Variants in MOB3B observed in about 807,000 individuals in gnomAD.
MOB3B encodes the protein MOB kinase activator-like 2B.
MOB3B carries 7 observed loss-of-function variants against 18.7 expected under a neutral mutation model. The ratio of observed to expected loss-of-function variants is 0.37; its 90% CI spans 0.21 to 0.70. MOB3B has a LOEUF of 0.70. Among genes scored for constraint, MOB3B ranks in the 30% least tolerant of loss-of-function variants. The pLI, the probability that MOB3B is intolerant of heterozygous loss-of-function variation, is 0.52. For missense variants in MOB3B, 253 were observed against 281.3 expected, an observed-to-expected ratio of 0.90 and a Z score of 0.72; for synonymous variants, 111 against 99.9, an observed-to-expected ratio of 1.11 and a Z score of -0.66.
chr9:27,455,672 T>G lies in MOB3B; in HGVS notation c.-122A>C. 12 of 1,535,202 alleles carry G rather than the reference T, an allele frequency of 7.8e-6. No individual in the cohort carries two copies. The highest frequency in any genetic ancestry group is 1.0e-5 in the Non-Finnish European group (12 of 1,153,170). ...GCACTCAGGCCCCAGTCTTACAGCC[T>G]GTAGCTTTTAAGCTCTTCTAAACAG... is the stretch of plus-strand genomic sequence containing the variant. On this transcript the variant is annotated 5_prime_UTR_variant, in exon 2 of 4. Coordinates refer to ENST00000262244, the MANE Select transcript of MOB3B (RefSeq NM_024761.5).
chr9:27,366,493 C>T (rs1387032347), intron 2 of MOB3B, among the ~76,000 whole-genome samples: 1 of 152,144 alleles, frequency 6.6e-6, no homozygotes, highest in African/African-American at 2.4e-5. Flanking sequence ...AAATAAGTTG[C>T]CTAAATGGCT....
rs199832959 is a variant in MOB3B, at chr9:27,359,228, A to G, written c.427T>C (p.Phe143Leu). 1 of 1,614,128 alleles carries G rather than the reference A, an allele frequency of 6.2e-7. No individual in the cohort carries two copies. Among genetic ancestry groups the G allele is most frequent in the Non-Finnish European group, 8.5e-7 (1 of 1,179,946 alleles). Residue 143 changes from phenylalanine (F) to leucine (L), a missense_variant, in exon 3 of 4, where the codon TTC (phenylalanine) becomes CTC (leucine). Coordinates refer to ENST00000262244, the MANE Select transcript of MOB3B (RefSeq NM_024761.5). ...EIFPTCVGVP[F>L]PKNFLQICKK... ...CAGATCTGAAGGAAGTTCTTTGGGA[A>G]GGGAACACCTAGAGAAGAAAAAAAG...
intron 2 of MOB3B, among the ~76,000 whole-genome samples, chr9:27,440,840 G>A (rs1822583419): frequency 6.6e-6 from 1 of 152,030 alleles, no homozygotes; most frequent in East Asian, 1.9e-4. Flanking sequence ...CAGTACTGGT[G>A]GGTAAATACC....
chr9:27,515,086 G>T (rs899102566), intron 1 of MOB3B, among the ~76,000 whole-genome samples: 1 of 152,080 alleles, frequency 6.6e-6, no homozygotes, highest in African/African-American at 2.4e-5. Context: ...TTATCTCTTT[G>T]CTTGTAGGAA....
intron 2 of MOB3B, among the ~76,000 whole-genome samples, chr9:27,394,813 G>A (rs919762375): frequency 6.6e-6 from 1 of 151,780 alleles, no homozygotes; most frequent in Non-Finnish European, 1.5e-5. Context: ...ATAAAAATTA[G>A]TAAAACATAG....
chr9:27,418,687 T>C (rs530076655), intron 2 of MOB3B, among the ~76,000 whole-genome samples: 1 of 152,282 alleles, frequency 6.6e-6, no homozygotes, highest in East Asian at 1.9e-4. Context: ...TATATCTTAA[T>C]GTAATAAAAG....
chr9:27,523,472 A>AAAAAG (rs1416304187), intron 1 of MOB3B, among the ~76,000 whole-genome samples: 4 of 152,048 alleles, frequency 2.6e-5, no homozygotes, highest in Admixed American at 6.5e-5. Context: ...ACCAAAAAAA[A>AAAAAG]AAAAGAAAAG....
At chr9:27,459,894 A>G (rs1257194409) in intron 1 of MOB3B, among the ~76,000 whole-genome samples, 1 of 152,062 alleles carries the variant, frequency 6.6e-6, no homozygotes, top group African/African-American at 2.4e-5. Flanking sequence ...AAAAAAAAAA[A>G]AAAAGTCATA....
intron 2 of MOB3B, among the ~76,000 whole-genome samples, chr9:27,438,979 G>C (rs1376217988): frequency 6.6e-6 from 1 of 152,120 alleles, no homozygotes; most frequent in Non-Finnish European, 1.5e-5. Flanking sequence ...AGCCTCAACG[G>C]TTTATTGATA....
chr9:27,457,528 C>G (rs1483854173), intron 1 of MOB3B, among the ~76,000 whole-genome samples: 1 of 152,204 alleles, frequency 6.6e-6, no homozygotes, highest in Admixed American at 6.5e-5. Context: ...CCTGATTCCC[C>G]CTTATCAACT....
intron 2 of MOB3B, among the ~76,000 whole-genome samples, chr9:27,426,832 C>T (rs1310384642): frequency 6.6e-6 from 1 of 152,198 alleles, no homozygotes; most frequent in Non-Finnish European, 1.5e-5. Flanking sequence ...TAATCCCCGC[C>T]TCCCACCTCC....
At position 27,331,249 on chromosome 9, in the gene MOB3B, G is replaced by A. The variant is rs574538057; in HGVS notation, c.622-633C>T. Among the ~76,000 whole-genome samples, 46 of 152,204 alleles carry A rather than the reference G, an allele frequency of 3.0e-4. No homozygotes were observed. The East Asian group carries it at 5.4e-3, about 18-fold the overall frequency. ...ATCCTTTCTCTACCCCTGGGGCTCCGCACAGGTTGAGTCCCATGCCTATGG... is the reference window on the plus strand; with the variant it reads ...ATCCTTTCTCTACCCCTGGGGCTCCACACAGGTTGAGTCCCATGCCTATGG... On this transcript the variant is annotated intron_variant, in intron 3 of 3. Coordinates refer to ENST00000262244, the MANE Select transcript of MOB3B (RefSeq NM_024761.5).
intron 3 of MOB3B, among the ~76,000 whole-genome samples, chr9:27,338,144 G>T (rs1339143879): frequency 4.6e-5 from 7 of 152,086 alleles, no homozygotes; most frequent in Non-Finnish European, 1.5e-5. Flanking sequence ...TGACTTGCAA[G>T]GACTTCTGGA....
intron 2 of MOB3B, among the ~76,000 whole-genome samples, chr9:27,385,977 C>G (rs1821646318): frequency 6.6e-6 from 1 of 152,208 alleles, no homozygotes; most frequent in South Asian, 2.1e-4. Flanking sequence ...TCAGACATGT[C>G]TAGGGAGATC....
At chr9:27,354,263 A>G (rs966758397) in intron 3 of MOB3B, among the ~76,000 whole-genome samples, 1 of 152,240 alleles carries the variant, frequency 6.6e-6, no homozygotes, top group Non-Finnish European at 1.5e-5. Flanking sequence ...AGGGTGACCA[A>G]CCGTCCTAGT....
intron 2 of MOB3B, among the ~76,000 whole-genome samples, chr9:27,451,738 T>C (rs1414548505): frequency 6.6e-6 from 1 of 152,166 alleles, no homozygotes; most frequent in Non-Finnish European, 1.5e-5. Context: ...CCCAGGGTCC[T>C]GTTTGCTTAG....
intron 2 of MOB3B, among the ~76,000 whole-genome samples, chr9:27,383,197 C>CACA (rs1821604516): frequency 6.6e-6 from 1 of 152,106 alleles, no homozygotes; most frequent in African/African-American, 2.4e-5. Flanking sequence ...CCTCTCTGTG[C>CACA]CTTGGAGGTA....
intron 1 of MOB3B, among the ~76,000 whole-genome samples, chr9:27,472,636 G>A (rs1819489877): frequency 7.1e-6 from 1 of 140,862 alleles, no homozygotes; most frequent in Non-Finnish European, 1.5e-5. Context: ...CAGGTATCTG[G>A]TAAAAGCTCC....
At chr9:27,418,721 A>C (rs1252646626) in intron 2 of MOB3B, among the ~76,000 whole-genome samples, 1 of 152,216 alleles carries the variant, frequency 6.6e-6, no homozygotes, top group Middle Eastern at 3.2e-3. Context: ...ATCCACAGCC[A>C]ACATAATACT....
Sources: allele counts gnomAD v4.1 joint callset (sites outside exome capture counted in the v4.1 genomes callset), GRCh38; gene constraint gnomAD v4.1.1; transcripts MANE v1.5; gene names NCBI Gene and HGNC (gene_info 2026-07-23, HGNC 2026-07-21).